Variants in MITF observed in about 807,000 individuals in gnomAD.
MITF encodes microphthalmia-associated transcription factor.
A neutral mutation model predicts 60.5 loss-of-function variants in MITF; 17 were observed. The ratio of observed to expected loss-of-function variants is 0.28; its 90% CI spans 0.19 to 0.42. The LOEUF (loss-of-function observed/expected upper bound fraction) is 0.42, where lower values mean the gene tolerates loss of function less well. MITF is among the 10% of genes least tolerant of loss of function. The pLI is 1.00. For synonymous variants in MITF, 260 were observed against 248.5 expected, an observed-to-expected ratio of 1.05 and a Z score of -0.43; for missense variants, 622 against 683.5, an observed-to-expected ratio of 0.91 and a Z score of 1.00.
intron 1 of MITF, among the ~76,000 whole-genome samples, chr3:69,776,724 T>A (rs2062479725): frequency 6.6e-6 from 1 of 152,168 alleles, no homozygotes; most frequent in African/African-American, 2.4e-5. Flanking sequence ...AGTTATAATG[T>A]CAATTTTTAT....
At chr3:69,867,275 G>T (rs1004684789) in intron 1 of MITF, among the ~76,000 whole-genome samples, 1 of 151,918 alleles carries the variant, frequency 6.6e-6, no homozygotes, top group South Asian at 2.1e-4. Flanking sequence ...AAGACAGCAA[G>T]AATAATGGAA....
Position 69,966,437 on chromosome 3 carries a change from A to G in MITF, c.*1189A>G, listed in dbSNP as rs2066691977. The G allele has an allele frequency of 4.3e-6, 1 of 232,908 alleles. No homozygotes were observed. Among genetic ancestry groups the G allele is most frequent in the East Asian group, 6.1e-5 (1 of 16,376 alleles). The allele number at this position is 232,908 out of a possible 1,614,324, so 14.4% of individuals were successfully genotyped here. On this transcript the variant is annotated 3_prime_UTR_variant, in exon 10 of 10. Transcript: ENST00000352241. ...TTAATAGGTTAAAACCAGGCTTTCT[A>G]GAAAGAATAAACTTACATATTTATT...
rs180749366 is a variant in MITF at position 69,835,059 on chromosome 3, C to T, written c.105-44075C>T. On this transcript the variant is annotated intron_variant, in intron 1 of 9. Coordinates refer to ENST00000352241, the MANE Select transcript of MITF (RefSeq NM_001354604.2). ...TTTTTGGCAAAGTCTCACTCTGTCA[C>T]CTAGGCTGGAGTGTGATGGTACGAT... Among the ~76,000 whole-genome samples, 4 of 131,646 alleles carry T rather than the reference C, an allele frequency of 3.0e-5. No individual in the cohort carries two copies. The East Asian group carries it at 8.8e-4, about 29-fold the overall frequency. 86.4% of individuals were successfully genotyped at this position (131,646 alleles called of 152,430 possible).
chr3:69,791,117 A>G (rs746462494), intron 1 of MITF, among the ~76,000 whole-genome samples: 2 of 152,234 alleles, frequency 1.3e-5, no homozygotes, highest in Admixed American at 1.3e-4. Flanking sequence ...CATTTTGCGT[A>G]CAGCAAATGT....
chr3:69,771,388 C>A (rs77697441), intron 1 of MITF, among the ~76,000 whole-genome samples: 1 of 152,066 alleles, frequency 6.6e-6, no homozygotes, highest in Non-Finnish European at 1.5e-5. Context: ...CTTTACAAGC[C>A]AGCTTAACTC....
chr3:69,904,341 T>C (rs1206716334), intron 2 of MITF, among the ~76,000 whole-genome samples: 1 of 152,156 alleles, frequency 6.6e-6, no homozygotes, highest in African/African-American at 2.4e-5. Context: ...AGAACTGAAA[T>C]GTTTGATCAT....
intron 1 of MITF, among the ~76,000 whole-genome samples, chr3:69,795,901 C>G (rs1575726257): frequency 6.6e-6 from 1 of 152,168 alleles, no homozygotes; most frequent in Admixed American, 6.5e-5. Flanking sequence ...CATATGTATA[C>G]CACAACATTT....
chr3:69,831,254 TATC>T (rs1246858215), intron 1 of MITF, among the ~76,000 whole-genome samples: 1 of 152,178 alleles, frequency 6.6e-6, no homozygotes, highest in East Asian at 1.9e-4. Flanking sequence ...CCCCCATTAT[TATC>T]ATCACTAATG....
chr3:69,954,748 G>A (rs2066353580), intron 7 of MITF, among the ~76,000 whole-genome samples: 2 of 152,030 alleles, frequency 1.3e-5, no homozygotes, highest in Admixed American at 1.3e-4. Flanking sequence ...CATCATTTAG[G>A]GTTTCTATTT....
intron 4 of MITF, among the ~76,000 whole-genome samples, chr3:69,939,909 T>A (rs571427165): frequency 5.3e-4 from 81 of 152,192 alleles, no homozygotes; most frequent in Non-Finnish European, 9.6e-4. Flanking sequence ...ATTTGCATAT[T>A]TACCAACTCA....
chr3:69,749,907 A>G (rs1284025993), intron 1 of MITF, among the ~76,000 whole-genome samples: 1 of 152,196 alleles, frequency 6.6e-6, no homozygotes, highest in African/African-American at 2.4e-5. Flanking sequence ...AGTAAATGCT[A>G]AATGATAGGA....
chr3:69,804,434 T>C (rs2062972831), intron 1 of MITF, among the ~76,000 whole-genome samples: 1 of 152,172 alleles, frequency 6.6e-6, no homozygotes, highest in African/African-American at 2.4e-5. Flanking sequence ...CCTCTTTTAT[T>C]CTGGCGTTTC....
chr3:69,917,947 A>G lies in MITF; in HGVS notation c.355-19875A>G, dbSNP rs17006607. ...TCCACTTTGATCAATAGAAAGACAA[A>G]TACCATAATGTTGTCAGAGTTTTTT... is the stretch of plus-strand genomic sequence containing the variant. On this transcript the variant is annotated intron_variant, in intron 2 of 9. Transcript: ENST00000352241. Among the ~76,000 whole-genome samples, 716 of 152,286 alleles carry G rather than the reference A, an allele frequency of 4.7e-3. 7 individuals carry two copies. The highest frequency in any genetic ancestry group is 0.016 in the African/African-American group (665 of 41,554).
chr3:69,788,303 A>C (rs2062685067), intron 1 of MITF, among the ~76,000 whole-genome samples: 1 of 108,496 alleles, frequency 9.2e-6, no homozygotes, highest in Non-Finnish European at 1.8e-5. Context: ...ACCCCACAAC[A>C]GTCCCTGGTG....
intron 1 of MITF, among the ~76,000 whole-genome samples, chr3:69,834,496 A>G (rs547718665): frequency 6.6e-6 from 1 of 152,342 alleles, no homozygotes; most frequent in African/African-American, 2.4e-5. Flanking sequence ...GCTGCAAATG[A>G]CAGGAGTTCA....
chr3:69,935,909 A>G (rs1482666604), intron 2 of MITF, among the ~76,000 whole-genome samples: 1 of 152,208 alleles, frequency 6.6e-6, no homozygotes, highest in Non-Finnish European at 1.5e-5. Flanking sequence ...CTGTAATCTT[A>G]AGAATAATAT....
chr3:69,784,526 C>G (rs1342005900), intron 1 of MITF, among the ~76,000 whole-genome samples: 1 of 152,116 alleles, frequency 6.6e-6, no homozygotes, highest in Non-Finnish European at 1.5e-5. Flanking sequence ...AAAACAGTTA[C>G]AAAGCTAGAA....
intron 2 of MITF, among the ~76,000 whole-genome samples, chr3:69,889,390 G>A (rs1348665330): frequency 2.0e-5 from 3 of 150,456 alleles, no homozygotes; most frequent in Admixed American, 2.0e-4. Flanking sequence ...GAGTTTTTGC[G>A]AGAGTTAAAT....
In MITF at chr3:69,806,451, G is replaced by GT. The variant is rs200629369; in HGVS notation, c.104+66758dup. 1.6e-3 allele frequency among the ~76,000 whole-genome samples: 246 copies of GT among 151,820 alleles called. 1 individual carries two copies. Among genetic ancestry groups the GT allele is most frequent in the African/African-American group, 5.5e-3 (227 of 41,394 alleles). ...AGGAATTCATTTGATAATGAGAAAGGTTTTTTTTAACTTTGGGGGTCAAGA... is the reference window on the plus strand; with the variant it reads ...AGGAATTCATTTGATAATGAGAAAGGTTTTTTTTTAACTTTGGGGGTCAAGA... On this transcript the variant is annotated intron_variant, in intron 1 of 9. Transcript: ENST00000352241.
Sources: allele counts gnomAD v4.1 joint callset (sites outside exome capture counted in the v4.1 genomes callset), GRCh38; gene constraint gnomAD v4.1.1; transcripts MANE v1.5; gene names NCBI Gene and HGNC (gene_info 2026-07-23, HGNC 2026-07-21).